NDUFAF7: variants seen among roughly 807,000 people sequenced by gnomAD.
The protein encoded by NDUFAF7 is protein arginine methyltransferase NDUFAF7, mitochondrial.
In NDUFAF7, 48 loss-of-function variants were observed where a neutral mutation model predicts 47.2. The observed-to-expected ratio is 1.02, with a 90% CI of 0.81 to 1.29. The LOEUF (loss-of-function observed/expected upper bound fraction) is 1.29. Ranked by LOEUF, NDUFAF7 falls within the 50% of genes most tolerant of loss-of-function variation. NDUFAF7 has a pLI of 0.00. For synonymous variants in NDUFAF7, 217 were observed against 190.0 expected, an observed-to-expected ratio of 1.14 and a Z score of -1.17; for missense variants, 635 against 537.6, an observed-to-expected ratio of 1.18 and a Z score of -1.79.
Position 37,247,604 on chromosome 2 carries a change from A to G in NDUFAF7, c.1085A>G (p.Asn362Ser). The change falls in exon 9 of 10, where the codon AAT (asparagine) becomes AGT (serine). Residue 362 changes from asparagine to serine, a missense_variant. By Grantham distance (46) the Asn-to-Ser change is conservative (BLOSUM62 1). Coordinates refer to ENST00000002125, the MANE Select transcript of NDUFAF7 (RefSeq NM_144736.5). The part of the protein sequence containing the change: ...GPIKQHTFLK[N>S]MGIDVRLKVL... ...ATAAAACAACACACATTTTTAAAAA[A>G]TATGGGTATTGATGTCCGGCTGAAG... 6.2e-7 allele frequency: 1 copy of G among 1,614,028 alleles called. No individual in the cohort carries two copies. Among genetic ancestry groups the G allele is most frequent in the South Asian group, 1.1e-5 (1 of 91,084 alleles).
downstream of NDUFAF7, chr2:37,254,169 G>A (rs781047343): frequency 4.7e-6 from 7 of 1,482,808 alleles, no homozygotes; most frequent in Non-Finnish European, 6.6e-6. Flanking sequence ...CTACTCAAAT[G>A]AGGATTGCCA....
downstream of NDUFAF7, chr2:37,256,987 G>A: frequency 1.9e-6 from 3 of 1,554,800 alleles, no homozygotes; most frequent in Non-Finnish European, 2.6e-6. Flanking sequence ...GTAACTACCT[G>A]TCCCTAAATA....
chr2:37,270,804 T>A, the NDUFAF7 span, among the ~76,000 whole-genome samples: 3 of 152,238 alleles, frequency 2.0e-5, no homozygotes. Context: ...TTAGGAGGCA[T>A]CCAATGCATA....
intron 4 of NDUFAF7, among the ~76,000 whole-genome samples, chr2:37,238,639 C>A (rs1666041507): frequency 6.6e-6 from 1 of 151,338 alleles, no homozygotes; most frequent in Non-Finnish European, 1.5e-5. Flanking sequence ...ATTAATATTT[C>A]ATTTCTTACA....
intron 2 of NDUFAF7, among the ~76,000 whole-genome samples, chr2:37,233,362 G>C (rs1665392604): frequency 6.6e-6 from 1 of 152,248 alleles, no homozygotes; most frequent in African/African-American, 2.4e-5. Flanking sequence ...GGACGTGGCG[G>C]CTCACGCCTG....
chr2:37,245,212 C>T (rs1666776075), intron 7 of NDUFAF7, among the ~76,000 whole-genome samples: 1 of 152,198 alleles, frequency 6.6e-6, no homozygotes, highest in Non-Finnish European at 1.5e-5. Context: ...TGAGATTTAA[C>T]TTCATCTGAC....
chr2:37,242,707 A>G lies in NDUFAF7; in HGVS notation c.681+14A>G, dbSNP rs142499241. 23 of 1,564,582 alleles carry G rather than the reference A, an allele frequency of 1.5e-5. No individual in the cohort carries two copies. The Admixed American group carries it at 1.7e-4, about 11-fold the overall frequency. ...CATAAATTTCAGGTATTGAGGGGGG[A>G]AAAAAGTCATGTCTATAATTGAATA... On this transcript the variant is annotated intron_variant, in intron 6 of 9. Transcript: ENST00000002125.
At chr2:37,267,589 G>T in the NDUFAF7 span, 1 of 1,298,524 alleles carries the variant, frequency 7.7e-7, no homozygotes, top group Non-Finnish European at 1.1e-6. Context: ...AGCTTTATTA[G>T]GGAGTTGTCC....
chr2:37,254,227 A>C (rs1667755480), downstream of NDUFAF7: 1 of 1,612,312 alleles, frequency 6.2e-7, no homozygotes, highest in Non-Finnish European at 8.5e-7. Context: ...TGACTAAGAG[A>C]TTTGTCAACA....
the NDUFAF7 span, chr2:37,260,291 A>G: frequency 1.2e-6 from 2 of 1,609,888 alleles, no homozygotes; most frequent in Non-Finnish European, 1.7e-6. Context: ...ATCATTTCCA[A>G]CATATCTCCA....
chr2:37,237,341 A>G (rs1311319894), intron 3 of NDUFAF7, among the ~76,000 whole-genome samples: 1 of 152,270 alleles, frequency 6.6e-6, no homozygotes, highest in Non-Finnish European at 1.5e-5. Context: ...GAAATAGGAA[A>G]TAGTGTATAC....
the NDUFAF7 span, chr2:37,268,953 T>C: frequency 6.5e-6 from 1 of 153,176 alleles, no homozygotes; most frequent in Non-Finnish European, 1.5e-5. Flanking sequence ...CTAAGAGTTG[T>C]ATGAAAAGAA....
At chr2:37,251,614 T>C (rs1667501134), downstream of NDUFAF7, 2 of 152,178 alleles carry the variant, frequency 1.3e-5, no homozygotes, top group African/African-American at 4.8e-5. Context: ...TACCAGAACA[T>C]TCTTTTTTTT....
At chr2:37,253,381 CAAAAG>C (rs774415641), downstream of NDUFAF7, 17 of 1,549,662 alleles carry the variant, frequency 1.1e-5, no homozygotes, top group African/African-American at 4.1e-5. Context: ...AATGATGAAA[CAAAAG>C]AAACAAAATA....
At chr2:37,262,805 T>C in the NDUFAF7 span, among the ~76,000 whole-genome samples, 2 of 152,200 alleles carry the variant, frequency 1.3e-5, no homozygotes, top group African/African-American at 2.4e-5. Context: ...GAGTATGTTT[T>C]AGTAAGTTAT....
downstream of NDUFAF7, chr2:37,253,114 A>G (rs1667645408): frequency 2.0e-6 from 3 of 1,475,926 alleles, no homozygotes; most frequent in Non-Finnish European, 2.8e-6. Context: ...ACAAAGAACA[A>G]GTTACACAGC....
downstream of NDUFAF7, chr2:37,254,249 T>C: frequency 6.2e-7 from 1 of 1,613,542 alleles, no homozygotes; most frequent in Non-Finnish European, 8.5e-7. Flanking sequence ...TGTAACGTTT[T>C]CTCATCTTCA....
At chr2:37,234,265 T>A (rs1250457556) in intron 2 of NDUFAF7, among the ~76,000 whole-genome samples, 2 of 152,166 alleles carry the variant, frequency 1.3e-5, no homozygotes, top group East Asian at 3.9e-4. Context: ...AGGTTTTTTG[T>A]ATTTTCAATG....
chr2:37,244,092 C>G, intron 7 of NDUFAF7, 119 bp downstream of exon 7: 1 of 849,382 alleles, frequency 1.2e-6, no homozygotes, highest in South Asian at 1.5e-5. Flanking sequence ...TAGTAGCATA[C>G]GAGGTGCTTT....
Sources: allele counts gnomAD v4.1 joint callset (sites outside exome capture counted in the v4.1 genomes callset), GRCh38; gene constraint gnomAD v4.1.1; transcripts MANE v1.5; gene names NCBI Gene and HGNC (gene_info 2026-07-23, HGNC 2026-07-21).